PRKAR2A: variants seen among roughly 807,000 people sequenced by gnomAD.
PRKAR2A encodes the protein protein kinase cAMP-dependent type II regulatory subunit alpha.
Under a neutral mutation model 51.9 loss-of-function variants are expected in PRKAR2A, and 29 were observed. That is an observed-to-expected ratio of 0.56 (90% CI 0.42 to 0.76). The LOEUF is 0.76. Ranked by LOEUF, PRKAR2A falls within the 30% of genes least tolerant of loss-of-function variation. The probability of loss-of-function intolerance (pLI) is 0.00; values close to 1 mark genes in which losing one functional copy is unlikely to be tolerated. For missense variants in PRKAR2A, 445 were observed against 512.1 expected, an observed-to-expected ratio of 0.87 and a Z score of 1.26; for synonymous variants, 178 against 186.2, an observed-to-expected ratio of 0.96 and a Z score of 0.36.
intron 4 of PRKAR2A, among the ~76,000 whole-genome samples, chr3:48,786,388 G>C (rs1359785211): frequency 2.0e-5 from 3 of 150,658 alleles, no homozygotes; most frequent in East Asian, 4.0e-4. Context: ...GCCTCCCAAA[G>C]TGCTGGGTTT....
chr3:48,766,230 T>A (rs1559606972), intron 6 of PRKAR2A, among the ~76,000 whole-genome samples: 4 of 147,828 alleles, frequency 2.7e-5, no homozygotes, highest in African/African-American at 1.0e-4. Flanking sequence ...AACAACAATA[T>A]CAACAACAAC....
intron 2 of PRKAR2A, among the ~76,000 whole-genome samples, chr3:48,795,959 C>A (rs1018407791): frequency 6.6e-6 from 1 of 152,034 alleles, no homozygotes; most frequent in Non-Finnish European, 1.5e-5. Flanking sequence ...ATGGAGATAT[C>A]GATACAAATC....
chr3:48,764,737 G>A (rs1177964791), intron 8 of PRKAR2A, among the ~76,000 whole-genome samples: 3 of 152,052 alleles, frequency 2.0e-5, no homozygotes, highest in Admixed American at 6.6e-5. Flanking sequence ...CAATTCTCCC[G>A]CCTCAGCCTC....
intron 8 of PRKAR2A, among the ~76,000 whole-genome samples, chr3:48,762,244 C>A (rs1180508648): frequency 6.6e-6 from 1 of 151,958 alleles, no homozygotes; most frequent in East Asian, 1.9e-4. Context: ...TATAGCAAGA[C>A]CCTGACTGTA....
rs142441304 is a variant in PRKAR2A, at chr3:48,811,341, G to A, written c.263-3657C>T. On this transcript the variant is annotated intron_variant, in intron 1 of 10. Coordinates refer to ENST00000265563, the MANE Select transcript of PRKAR2A (RefSeq NM_004157.4). ...ACAAAATTAATTAGCCAGGCACAGC[G>A]GCTAATGCCTGTTGTCACAGCTACT... Among the ~76,000 whole-genome samples the A allele has an allele frequency of 1.3e-3, 201 of 152,152 alleles. 1 individual carries two copies. The highest frequency in any genetic ancestry group is 2.4e-3 in the Non-Finnish European group (164 of 68,014).
At chr3:48,776,913 A>G (rs887790829) in intron 5 of PRKAR2A, among the ~76,000 whole-genome samples, 1 of 152,116 alleles carries the variant, frequency 6.6e-6, no homozygotes, top group Non-Finnish European at 1.5e-5. Flanking sequence ...TCACACAACA[A>G]TGTATGATTT....
At chr3:48,794,224 T>A (rs939761676) in intron 2 of PRKAR2A, among the ~76,000 whole-genome samples, 175 bp from the exon 3 acceptor site, 1 of 151,116 alleles carries the variant, frequency 6.6e-6, no homozygotes, top group African/African-American at 2.4e-5. Flanking sequence ...CAATCTCGGC[T>A]CGCTGCAACC....
intron 1 of PRKAR2A, among the ~76,000 whole-genome samples, chr3:48,812,906 A>C (rs1268104474): frequency 6.6e-6 from 1 of 152,244 alleles, no homozygotes. Flanking sequence ...TGTGTTCTAC[A>C]GACAGCAAAA....
At chr3:48,759,955 C>G (rs185370785) in intron 8 of PRKAR2A, among the ~76,000 whole-genome samples, 1 of 152,144 alleles carries the variant, frequency 6.6e-6, no homozygotes, top group African/African-American at 2.4e-5. Flanking sequence ...AAACATAAAA[C>G]ATGATTTTGT....
rs527427643 is a variant in PRKAR2A at position 48,748,291 on chromosome 3, C to CT, written c.*3293dup. On this transcript the variant is annotated 3_prime_UTR_variant, in exon 11 of 11. Transcript: ENST00000265563. ...CAGGTCCAGCTAATTGTTTTTTTAACTTTTTTTTTTTTTTTTTTTCTTGGT... is the reference window on the plus strand; with the variant it reads ...CAGGTCCAGCTAATTGTTTTTTTAACTTTTTTTTTTTTTTTTTTTTCTTGGT... 3.8e-3 allele frequency: 501 copies of CT among 133,558 alleles called. 1 individual carries two copies. The highest frequency in any genetic ancestry group is 4.5e-3 in the Non-Finnish European group (278 of 61,760). 8.3% of individuals were successfully genotyped at this position (133,558 alleles called of 1,614,324 possible).
intron 8 of PRKAR2A, among the ~76,000 whole-genome samples, chr3:48,764,636 T>C (rs997451867): frequency 2.1e-4 from 32 of 151,976 alleles, no homozygotes; most frequent in Non-Finnish European, 1.5e-5. Flanking sequence ...GTTTTTTGGT[T>C]TTTTTTTGAA....
At position 48,779,735 on chromosome 3, in the gene PRKAR2A, G is replaced by A. The variant is rs187833413; in HGVS notation, c.542+3251C>T. On this transcript the variant is annotated intron_variant, in intron 5 of 10. Transcript: ENST00000265563. Reference sequence around the variant, plus strand: ...GCGGAGGTTGTAGTGAGCCAGGATTGCACCACTACACTCCCACCTGAGCAA... The same window carrying A: ...GCGGAGGTTGTAGTGAGCCAGGATTACACCACTACACTCCCACCTGAGCAA... Among the ~76,000 whole-genome samples the A allele has an allele frequency of 6.0e-5, 9 of 149,958 alleles. 1 individual carries two copies. Among genetic ancestry groups the A allele is most frequent in the South Asian group, 2.1e-4 (1 of 4,762 alleles).
intron 4 of PRKAR2A, among the ~76,000 whole-genome samples, chr3:48,790,209 C>T (rs1476616013): frequency 6.6e-6 from 1 of 152,114 alleles, no homozygotes; most frequent in East Asian, 1.9e-4. Context: ...CAGCATGAGA[C>T]TCATCACACT....
chr3:48,831,511 C>G (rs1046753890), intron 1 of PRKAR2A, among the ~76,000 whole-genome samples: 2 of 151,944 alleles, frequency 1.3e-5, no homozygotes, highest in Non-Finnish European at 2.9e-5. Context: ...CAACTATAGG[C>G]GTGCATCACC....
chr3:48,784,424 T>G (rs1363500754), intron 4 of PRKAR2A, among the ~76,000 whole-genome samples: 1 of 152,204 alleles, frequency 6.6e-6, no homozygotes, highest in East Asian at 1.9e-4. Context: ...AAGGATGGCT[T>G]GCAACTGACG....
At chr3:48,762,738 G>A (rs2081881297) in intron 8 of PRKAR2A, among the ~76,000 whole-genome samples, 1 of 151,960 alleles carries the variant, frequency 6.6e-6, no homozygotes, top group South Asian at 2.1e-4. Context: ...TCCAGCCTGG[G>A]CAACAAGAGG....
chr3:48,788,761 A>G (rs2082335467), intron 4 of PRKAR2A, among the ~76,000 whole-genome samples: 1 of 152,126 alleles, frequency 6.6e-6, no homozygotes, highest in Non-Finnish European at 1.5e-5. Context: ...TGGGCTCCTG[A>G]TCAGACACCA....
At chr3:48,751,809 T>G (rs750396344) in intron 10 of PRKAR2A, 91 bp from the exon 11 acceptor site, 1 of 1,464,132 alleles carries the variant, frequency 6.8e-7, no homozygotes, top group Non-Finnish European at 9.2e-7. Flanking sequence ...TCATGTTGTA[T>G]GAGATTACGC....
chr3:48,791,521 A>G lies in PRKAR2A; in HGVS notation c.352-894T>C, dbSNP rs373189595. Among the ~76,000 whole-genome samples the G allele has an allele frequency of 2.5e-3, 353 of 142,228 alleles. 3 individuals carry two copies. Among genetic ancestry groups the G allele is most frequent in the African/African-American group, 8.4e-3 (321 of 38,134 alleles). 93.3% of individuals were successfully genotyped at this position (142,228 alleles called of 152,430 possible). A position where few individuals can be genotyped will look rare whatever the true frequency, so the allele number is the denominator to read the frequency against. The stretch of plus-strand genomic sequence containing the variant: ...AGGTAGGAGAATCGTCTGAACCAGG[A>G]AGTTGGAGGTTGCTGTGAGCCAAGA... On this transcript the variant is annotated intron_variant, in intron 3 of 10. Transcript: ENST00000265563.
Sources: gnomAD v4.1 joint callset for allele counts (sites outside exome capture counted in the v4.1 genomes callset) on GRCh38, gnomAD v4.1.1 for gene constraint, MANE v1.5 for transcripts, NCBI Gene and HGNC (gene_info 2026-07-23, HGNC 2026-07-21) for gene names.